The following BLTP1 variants were observed in gnomAD, a reference collection of about 807,000 sequenced individuals.
BLTP1 encodes fragile site-associated protein.
the BLTP1 span, chr4:122,314,242 C>T: frequency 3.7e-5 from 17 of 453,670 alleles, no homozygotes; most frequent in South Asian, 9.4e-5. Flanking sequence ...GATGTTAAAG[C>T]GCAGTATTCA....
At chr4:122,299,772 A>G in the BLTP1 span, 1 of 983,204 alleles carries the variant, frequency 1.0e-6, no homozygotes, top group Non-Finnish European at 1.2e-6. Flanking sequence ...ATATGGCTGT[A>G]GGTAGGGTTA....
chr4:122,154,894 G>A, the BLTP1 span: 1 of 894,636 alleles, frequency 1.1e-6, no homozygotes, highest in Admixed American at 6.2e-5. Context: ...TTGAGAAAAT[G>A]AAGAAAAGTA....
chr4:122,277,116 T>A, the BLTP1 span: 12 of 969,462 alleles, frequency 1.2e-5, no homozygotes, highest in Admixed American at 6.2e-5. Context: ...GTGGGAGGAT[T>A]GCTTGAGGCC....
At chr4:122,272,252 T>G in the BLTP1 span, 2 of 1,613,414 alleles carry the variant, frequency 1.2e-6, no homozygotes, top group South Asian at 1.1e-5. Context: ...GAAACGTAGC[T>G]TGGTAACTTC....
At chr4:122,187,381 C>T in the BLTP1 span, 12 of 1,603,258 alleles carry the variant, frequency 7.5e-6, no homozygotes, top group Non-Finnish European at 9.4e-6. Context: ...ACTATGTCCT[C>T]AGGTATTTAA....
the BLTP1 span, chr4:122,246,819 T>G: frequency 6.2e-7 from 1 of 1,611,396 alleles, no homozygotes; most frequent in Non-Finnish European, 8.5e-7. Flanking sequence ...AGGTAAGAAA[T>G]ACTTTATTAA....
the BLTP1 span, chr4:122,272,211 A>G: frequency 3.1e-6 from 5 of 1,613,308 alleles, no homozygotes; most frequent in Non-Finnish European, 3.4e-6. Flanking sequence ...GAGAATGAAC[A>G]AGACAACAGC....
the BLTP1 span, chr4:122,305,523 C>A: frequency 1.0e-6 from 1 of 984,458 alleles, no homozygotes; most frequent in African/African-American, 1.8e-5. Context: ...GTCACAGTTT[C>A]AAAACTGAAT....
chr4:122,224,372 G>A, the BLTP1 span: 1 of 1,046,066 alleles, frequency 9.6e-7, no homozygotes, highest in East Asian at 2.6e-5. Context: ...GGAGCTTGTG[G>A]ATTCTGAAAC....
At chr4:122,231,777 C>A in the BLTP1 span, 1 of 970,736 alleles carries the variant, frequency 1.0e-6, no homozygotes, top group Non-Finnish European at 1.2e-6. Flanking sequence ...ATATTCATTT[C>A]TCTGTTTAAC....
At chr4:122,256,086 G>C in the BLTP1 span, 1 of 983,344 alleles carries the variant, frequency 1.0e-6, no homozygotes, top group Non-Finnish European at 1.2e-6. Flanking sequence ...CATGATTAGA[G>C]TTTTAGAACT....
chr4:122,244,994 T>A, the BLTP1 span: 1 of 1,602,216 alleles, frequency 6.2e-7, no homozygotes, highest in Non-Finnish European at 8.5e-7. Flanking sequence ...CATTTAAATA[T>A]TTCATTTACT....
the BLTP1 span, among the ~76,000 whole-genome samples, chr4:122,260,761 T>C: frequency 6.6e-6 from 1 of 151,954 alleles, no homozygotes; most frequent in Admixed American, 6.6e-5. Context: ...GAAGACATGA[T>C]GAGTCTAAGA....
At chr4:122,250,681 C>G in the BLTP1 span, 3 of 1,110,374 alleles carry the variant, frequency 2.7e-6, no homozygotes, top group South Asian at 3.0e-5. Flanking sequence ...CTGTCTTTCC[C>G]TATTTTGGAT....
At chr4:122,348,663 A>G in the BLTP1 span, 1 of 1,612,420 alleles carries the variant, frequency 6.2e-7, no homozygotes, top group Non-Finnish European at 8.5e-7. Flanking sequence ...TTTGCTATCA[A>G]CTTGAAGCAA....
the BLTP1 span, chr4:122,261,171 A>T: frequency 2.4e-6 from 1 of 421,980 alleles, no homozygotes; most frequent in Non-Finnish European, 3.2e-6. Context: ...ATTCAATGAT[A>T]GTTTGATATA....
chr4:122,183,432 T>C, the BLTP1 span: 3 of 983,160 alleles, frequency 3.1e-6, no homozygotes, highest in South Asian at 9.4e-5. Context: ...AATTCTAAAG[T>C]GGTCAGTGTC....
the BLTP1 span, chr4:122,185,543 TC>T: frequency 1.8e-6 from 1 of 556,984 alleles, no homozygotes; most frequent in Non-Finnish European, 2.3e-6. Context: ...AAGATTGAAG[TC>T]CACAGTTCAT....
the BLTP1 span, chr4:122,348,508 C>A: frequency 7.0e-7 from 1 of 1,427,956 alleles, no homozygotes; most frequent in Non-Finnish European, 9.3e-7. Context: ...ATAGTTTTTG[C>A]TTTGTAACTA....
Sources: gnomAD v4.1 joint callset for allele counts (sites outside exome capture counted in the v4.1 genomes callset) on GRCh38, gnomAD v4.1.1 for gene constraint, MANE v1.5 for transcripts, NCBI Gene and HGNC (gene_info 2026-07-23, HGNC 2026-07-21) for gene names.